Variants in MAP7D2 observed in about 807,000 individuals in gnomAD.
MAP7D2 encodes the protein MAP7 domain-containing protein 2.
In MAP7D2, 33 loss-of-function variants were observed where a neutral mutation model predicts 63.5. The observed-to-expected ratio is 0.52, with a 90% confidence interval of 0.39 to 0.70. The LOEUF is 0.70. MAP7D2 is among the 30% of genes least tolerant of loss of function. The pLI, the probability that MAP7D2 is intolerant of heterozygous loss-of-function variation, is 0.00. For synonymous variants in MAP7D2, 224 were observed against 223.7 expected (o/e 1.00, Z -0.01); for missense variants, 626 against 604.0 (o/e 1.04, Z -0.38).
At chrX:20,080,573 G>A (rs1246547420) in intron 1 of MAP7D2, among the ~76,000 whole-genome samples, 4 of 110,757 alleles carry the variant, frequency 3.6e-5, no homozygotes, top group Non-Finnish European at 7.6e-5. Context: ...TTTTGCGTGA[G>A]CTTCTGGAGT....
chrX:20,063,355 C>G, intron 3 of MAP7D2, 59 bp downstream of exon 3: 2 of 1,157,234 alleles, frequency 1.7e-6, no homozygotes, highest in Non-Finnish European at 2.3e-6. Context: ...GATGCCCAGG[C>G]ACTCTGAGCA....
At chrX:20,022,631 A>G (rs2073693957) in intron 10 of MAP7D2, among the ~76,000 whole-genome samples, 2 of 111,407 alleles carry the variant, frequency 1.8e-5, no homozygotes, top group Non-Finnish European at 1.9e-5. Context: ...TGGGAAGAAG[A>G]AGGAAAGGAA....
chrX:20,112,546 A>G (rs1297910370), intron 1 of MAP7D2, among the ~76,000 whole-genome samples: 1 of 111,373 alleles, frequency 9.0e-6, no homozygotes, highest in Non-Finnish European at 1.9e-5. Flanking sequence ...AGATGCCAAG[A>G]CGGTAAACTC....
At chrX:20,048,006 A>G (rs2064846029) in intron 6 of MAP7D2, among the ~76,000 whole-genome samples, 1 of 110,448 alleles carries the variant, frequency 9.1e-6, no homozygotes, top group Non-Finnish European at 1.9e-5. Flanking sequence ...CTACTGAAAA[A>G]TTTTCTGTAA....
Position 20,030,643 on chromosome X carries a change from A to T in MAP7D2, c.1008-4691T>A, listed in dbSNP as rs767677759. On this transcript the variant is annotated intron_variant, in intron 8 of 16. Transcript: ENST00000379643. ...GTTCCATGTTCTCCAAAACCACTTGACTCCATGCACAGTGAGTGAACACGG... is the reference window on the plus strand; with the variant it reads ...GTTCCATGTTCTCCAAAACCACTTGTCTCCATGCACAGTGAGTGAACACGG... Among the ~76,000 whole-genome samples, 6 of 111,088 alleles carry T rather than the reference A, an allele frequency of 5.4e-5. No homozygotes were observed. In the South Asian group the frequency reaches 2.3e-3, roughly 43 times the overall value.
At chrX:20,040,148 C>T (rs936150560) in intron 8 of MAP7D2, among the ~76,000 whole-genome samples, 3 of 111,228 alleles carry the variant, frequency 2.7e-5, no homozygotes, top group African/African-American at 3.3e-5. Flanking sequence ...CTTGGACCTT[C>T]GACCACAGAC....
At chrX:20,021,596 A>G (rs2073645378) in intron 10 of MAP7D2, 1 of 111,359 alleles carries the variant, frequency 9.0e-6, no homozygotes, top group Non-Finnish European at 1.9e-5. Context: ...GTATTGCTCT[A>G]ATTTTTACCT....
chrX:20,078,863 C>T (rs1234021611), intron 1 of MAP7D2, among the ~76,000 whole-genome samples: 2 of 109,404 alleles, frequency 1.8e-5, no homozygotes, highest in African/African-American at 6.7e-5. Context: ...CCTGACCCTC[C>T]CTGATCTTTA....
chrX:20,024,964 C>G lies in MAP7D2; in HGVS notation c.1399G>C (p.Glu467Gln). 1 of 1,210,883 alleles carries G rather than the reference C, an allele frequency of 8.3e-7. No individual in the cohort carries two copies. The highest frequency in any genetic ancestry group is 1.1e-6 in the Non-Finnish European group (1 of 895,135). ...GCACTAGCATACCTATCTTGTTCTT[C>G]CTTCTCCAGTCGTTCTTGCTCCTCC... is the stretch of plus-strand genomic sequence containing the variant. Reference protein sequence around the residue: ...EQEEQERLEKEEQDRLEREEL... With the variant: ...EQEEQERLEKQEQDRLEREEL... Residue 467 changes from glutamate (E) to glutamine (Q), a missense_variant, in exon 10 of 17, where the codon GAA becomes CAA. By Grantham distance (29) the Glu-to-Gln change is conservative (BLOSUM62 2). Coordinates refer to ENST00000379643, the MANE Select transcript of MAP7D2 (RefSeq NM_001168465.2).
At position 20,016,261 on chromosome X, in the gene MAP7D2, G is replaced by A. The variant is rs945525875; in HGVS notation, c.1477C>T (p.Arg493Ter). 2.5e-6 allele frequency: 3 copies of A among 1,209,171 alleles called. No individual in the cohort carries two copies. The highest frequency in any genetic ancestry group is 3.4e-6 in the Non-Finnish European group (3 of 894,707). The change falls in exon 11 of 17, where the codon CGA (arginine) becomes TGA (stop). Residue 493 changes from arginine to a stop codon, truncating the protein, a stop_gained. Coordinates refer to ENST00000379643, the MANE Select transcript of MAP7D2 (RefSeq NM_001168465.2). LOFTEE classifies it high-confidence loss of function. ...EERLRLEEEA[R>*]KQEEERKRQE... ...CGCTTCCTTTCTTCTTCCTGCTTTC[G>A]GGCTTCCTCTTCTAGGCGAAGCCTT...
intron 1 of MAP7D2, among the ~76,000 whole-genome samples, chrX:20,075,551 G>A (rs2065622201): frequency 9.0e-6 from 1 of 111,001 alleles, no homozygotes; most frequent in South Asian, 3.8e-4. Context: ...AATTGAGTGA[G>A]GGAAGGGTTT....
rs1252249702 is a variant in MAP7D2 at position 20,099,315 on chromosome X, C to T, written c.130+17435G>A. On this transcript the variant is annotated intron_variant, in intron 1 of 16. Transcript: ENST00000379643. Reference sequence around the variant, plus strand: ...AGCTGCAGGAATGCTGCTAACACCTCGGCAGCCTAGAAAGGTAAGAATGAA... The same window carrying T: ...AGCTGCAGGAATGCTGCTAACACCTTGGCAGCCTAGAAAGGTAAGAATGAA... Among the ~76,000 whole-genome samples the T allele has an allele frequency of 6.4e-5, 7 of 109,953 alleles. No homozygotes were observed. The South Asian group carries it at 1.2e-3, about 19-fold the overall frequency.
At chrX:20,097,338 A>G (rs2066299344) in intron 1 of MAP7D2, among the ~76,000 whole-genome samples, 1 of 111,976 alleles carries the variant, frequency 8.9e-6, no homozygotes, top group Non-Finnish European at 1.9e-5. Context: ...AGACAGTCAG[A>G]TGACCTTCTC....
At chrX:20,053,685 A>C (rs760279253) in intron 4 of MAP7D2, among the ~76,000 whole-genome samples, 2 of 111,908 alleles carry the variant, frequency 1.8e-5, no homozygotes, top group South Asian at 7.5e-4. Flanking sequence ...AAGCTAAGTT[A>C]GAGCCTGAGG....
chrX:20,098,392 G>C (rs1237962589), intron 1 of MAP7D2, among the ~76,000 whole-genome samples: 7 of 112,375 alleles, frequency 6.2e-5, no homozygotes, highest in African/African-American at 2.3e-4. Context: ...TTAGAGAAGA[G>C]AGACACCAAT....
intron 16 of MAP7D2, 108 bp from the exon 17 acceptor site, chrX:20,008,506 T>C (rs1402338253): frequency 3.6e-5 from 4 of 112,573 alleles, no homozygotes; most frequent in African/African-American, 1.3e-4. Context: ...ACTGTGGCAC[T>C]TTCTACCTTC....
chrX:20,096,118 A>AAAAAG (rs1296546032), intron 1 of MAP7D2, among the ~76,000 whole-genome samples: 2 of 106,987 alleles, frequency 1.9e-5, no homozygotes, highest in East Asian at 2.9e-4. Flanking sequence ...GAAAAAAGAA[A>AAAAAG]AAAAGAAAAG....
At chrX:20,106,745 T>A (rs1190037902) in intron 1 of MAP7D2, among the ~76,000 whole-genome samples, 1 of 112,147 alleles carries the variant, frequency 8.9e-6, no homozygotes, top group Admixed American at 9.5e-5. Context: ...TAACGTTTAA[T>A]ATTAATTACA....
At chrX:20,016,445 C>T (rs759795665) in intron 10 of MAP7D2, 120 bp from the exon 11 acceptor site, 14 of 597,069 alleles carry the variant, frequency 2.3e-5, no homozygotes, top group South Asian at 8.3e-5. Context: ...TACCTTTCAA[C>T]GAGCATTCAT....
Sources: gnomAD v4.1 joint callset for allele counts (sites outside exome capture counted in the v4.1 genomes callset) on GRCh38, gnomAD v4.1.1 for gene constraint, MANE v1.5 for transcripts, NCBI Gene and HGNC (gene_info 2026-07-23, HGNC 2026-07-21) for gene names.